WARS2: variants seen among roughly 807,000 people sequenced by gnomAD.
WARS2 encodes the protein tryptophan--tRNA ligase, mitochondrial.
WARS2 carries 28 observed loss-of-function variants against 36.5 expected under a neutral mutation model. The ratio of observed to expected loss-of-function variants is 0.77; its 90% confidence interval spans 0.57 to 1.05. The LOEUF (loss-of-function observed/expected upper bound fraction) is 1.05. WARS2 is among the 50% of genes least tolerant of loss of function. WARS2 has a pLI of 0.00. For missense variants in WARS2, 435 were observed against 456.8 expected, an observed-to-expected ratio of 0.95 and a Z score of 0.44; for synonymous variants, 174 against 178.4, an observed-to-expected ratio of 0.98 and a Z score of 0.20.
At chr1:119,071,443 A>C (rs1015607454) in intron 2 of WARS2, among the ~76,000 whole-genome samples, 1 of 152,212 alleles carries the variant, frequency 6.6e-6, no homozygotes, top group Non-Finnish European at 1.5e-5. Flanking sequence ...GAATCAACCT[A>C]AGTGTCTATC....
At chr1:119,049,052 A>G (rs1649113747) in intron 2 of WARS2, among the ~76,000 whole-genome samples, 1 of 152,176 alleles carries the variant, frequency 6.6e-6, no homozygotes, top group Admixed American at 6.5e-5. Flanking sequence ...AGCGTGGGCA[A>G]CGGAGCGAGA....
chr1:119,112,839 T>C (rs1294808972), intron 1 of WARS2, among the ~76,000 whole-genome samples: 1 of 152,196 alleles, frequency 6.6e-6, no homozygotes, highest in Non-Finnish European at 1.5e-5. Flanking sequence ...CAGTCTTGTT[T>C]GGCTGTTTGA....
chr1:119,119,435 A>G (rs959538343), intron 1 of WARS2, among the ~76,000 whole-genome samples: 3 of 152,114 alleles, frequency 2.0e-5, no homozygotes, highest in African/African-American at 7.2e-5. Context: ...TACTACACCT[A>G]AGAAATGAGA....
intron 4 of WARS2, 41 bp downstream of exon 4, chr1:119,042,223 A>C (rs1177686116): frequency 6.3e-7 from 1 of 1,585,512 alleles, no homozygotes; most frequent in African/African-American, 1.3e-5. Context: ...CTCTCTTGTC[A>C]CCATGAGTAT....
chr1:119,068,488 G>A (rs1197998403), intron 2 of WARS2, among the ~76,000 whole-genome samples: 3 of 152,142 alleles, frequency 2.0e-5, no homozygotes, highest in Non-Finnish European at 4.4e-5. Context: ...ACATTCCAGA[G>A]ATGCAAATCC....
chr1:119,042,180 A>G, intron 4 of WARS2, 84 bp downstream of exon 4: 2 of 1,318,568 alleles, frequency 1.5e-6, no homozygotes, highest in Admixed American at 1.8e-5. Context: ...CCCCTTGCCC[A>G]TGAACCAAGT....
intron 1 of WARS2, among the ~76,000 whole-genome samples, chr1:119,134,042 T>C (rs1656290557): frequency 6.6e-6 from 1 of 151,938 alleles, no homozygotes; most frequent in South Asian, 2.1e-4. Flanking sequence ...GTAAATGTTA[T>C]TTTATTTTAT....
intron 3 of WARS2, among the ~76,000 whole-genome samples, chr1:119,042,769 A>G (rs1387251158): frequency 1.3e-5 from 2 of 152,200 alleles, no homozygotes; most frequent in Non-Finnish European, 2.9e-5. Flanking sequence ...GACTTTCCAA[A>G]AAGTCTCACA....
At chr1:119,113,002 G>A (rs753182199) in intron 1 of WARS2, among the ~76,000 whole-genome samples, 2 of 152,112 alleles carry the variant, frequency 1.3e-5, no homozygotes, top group Non-Finnish European at 2.9e-5. Flanking sequence ...AAAGAAGTAA[G>A]GTCAATAGAT....
rs201227204 is a variant in WARS2, at chr1:119,111,142, AG to A, written c.90+29412del. Among the ~76,000 whole-genome samples, 242 of 152,316 alleles carry A rather than the reference AG, an allele frequency of 1.6e-3. 5 individuals carry two copies. The East Asian group carries it at 0.039, about 24-fold the overall frequency. On this transcript the variant is annotated intron_variant, in intron 1 of 5. Transcript: ENST00000235521. ...CCTGACATATCTGACTCTAGTTCTG[AG>A]GCTTGTTTAGTCTCTTCAAATTGTG... is the stretch of plus-strand genomic sequence containing the variant.
At position 119,033,161 on chromosome 1, in the gene WARS2, A is replaced by C. The variant is rs765904496; in HGVS notation, c.833T>G (p.Val278Gly). The change falls in exon 6 of 6, where the codon GTG (valine) becomes GGG (glycine). Residue 278 changes from valine to glycine, a missense_variant. By Grantham distance (109) the Val-to-Gly change is moderately radical. Transcript: ENST00000235521. ...GGAGAGCCCCGTCACCGCGGCATGC[A>C]CCGCCACTATGTTGGACACGCCAGC... Reference protein sequence around the residue: ...GRAGVSNIVAVHAAVTGLSVE... With the variant: ...GRAGVSNIVAGHAAVTGLSVE... 104 of 1,613,702 alleles carry C rather than the reference A, an allele frequency of 6.4e-5. No homozygotes were observed. Among genetic ancestry groups the C allele is most frequent in the Non-Finnish European group, 8.2e-5 (97 of 1,180,000 alleles).
chr1:119,052,178 C>T (rs1160185600), intron 2 of WARS2, among the ~76,000 whole-genome samples: 1 of 152,074 alleles, frequency 6.6e-6, no homozygotes, highest in Non-Finnish European at 1.5e-5. Flanking sequence ...GATATAGCTG[C>T]TAGGTATCAA....
At chr1:119,066,921 T>G (rs969396851) in intron 2 of WARS2, among the ~76,000 whole-genome samples, 1 of 152,184 alleles carries the variant, frequency 6.6e-6, no homozygotes, top group Non-Finnish European at 1.5e-5. Context: ...CTTTCACATG[T>G]GCACAAAAGG....
At chr1:119,039,414 T>TA (rs1648158742) in intron 4 of WARS2, among the ~76,000 whole-genome samples, 1 of 151,666 alleles carries the variant, frequency 6.6e-6, no homozygotes, top group African/African-American at 2.4e-5. Context: ...CACATATACA[T>TA]ACACACAAAC....
intron 2 of WARS2, among the ~76,000 whole-genome samples, chr1:119,059,661 C>A (rs1028231142): frequency 6.6e-6 from 1 of 152,168 alleles, no homozygotes; most frequent in Non-Finnish European, 1.5e-5. Flanking sequence ...AAACACTTTG[C>A]ATGGCCTTAT....
chr1:119,111,253 T>C (rs1461894223), intron 1 of WARS2, among the ~76,000 whole-genome samples: 2 of 152,174 alleles, frequency 1.3e-5, no homozygotes, highest in Non-Finnish European at 2.9e-5. Flanking sequence ...GTAAACAGGC[T>C]TTTAATAGTG....
intron 1 of WARS2, among the ~76,000 whole-genome samples, chr1:119,123,027 G>A (rs1655428585): frequency 6.6e-6 from 1 of 152,150 alleles, no homozygotes; most frequent in South Asian, 2.1e-4. Context: ...ACAGTTTTGA[G>A]AATGCATATA....
At chr1:119,075,666 A>G (rs1316694847) in intron 2 of WARS2, among the ~76,000 whole-genome samples, 3 of 152,220 alleles carry the variant, frequency 2.0e-5, no homozygotes. Context: ...TACATAATGA[A>G]GGCATGATCT....
intron 1 of WARS2, 101 bp downstream of exon 1, chr1:119,140,454 T>C (rs1201451909): frequency 3.6e-6 from 4 of 1,108,288 alleles, no homozygotes; most frequent in Non-Finnish European, 5.2e-6. Flanking sequence ...AGGCATGTAC[T>C]TTCCCTAAGA....
Sources: gnomAD v4.1 joint callset for allele counts (sites outside exome capture counted in the v4.1 genomes callset) on GRCh38, gnomAD v4.1.1 for gene constraint, MANE v1.5 for transcripts, NCBI Gene and HGNC (gene_info 2026-07-23, HGNC 2026-07-21) for gene names.